PROM1: variants seen among roughly 807,000 people sequenced by gnomAD.
PROM1 encodes the protein prominin-1.
In PROM1, 105 loss-of-function variants were observed where a neutral mutation model predicts 116.9. That is an observed-to-expected ratio of 0.90 (90% CI 0.77 to 1.06). The LOEUF is 1.06. Among genes scored for constraint, PROM1 ranks in the 50% least tolerant of loss-of-function variants. PROM1 has a pLI of 0.00. For synonymous variants in PROM1, 393 were observed against 387.0 expected, an observed-to-expected ratio of 1.02 and a Z score of -0.18; for missense variants, 1,122 against 1,045.2, an observed-to-expected ratio of 1.07 and a Z score of -1.01.
chr4:16,014,067 G>A (rs138236317), intron 10 of PROM1, among the ~76,000 whole-genome samples: 2 of 152,286 alleles, frequency 1.3e-5, no homozygotes, highest in East Asian at 3.9e-4. Flanking sequence ...CCATGAGAGG[G>A]AAATATCATT....
At chr4:16,062,048 C>T (rs1284006100) in intron 2 of PROM1, among the ~76,000 whole-genome samples, 6 of 152,154 alleles carry the variant, frequency 3.9e-5, no homozygotes, top group South Asian at 2.1e-4. Flanking sequence ...CCTGCCACCA[C>T]GCCCGGCTAA....
In PROM1 at chr4:16,080,336, T is replaced by C. The variant is rs180678655; in HGVS notation, c.-213+3642A>G. On this transcript the variant is annotated intron_variant, in intron 1 of 27. Coordinates refer to ENST00000447510, the MANE Select transcript of PROM1 (RefSeq NM_006017.3). ...GAGATCGAGACCATCCTGGCTAACATGGTGAAACCCTGTCTCTACTAAAAA... is the reference window on the plus strand; with the variant it reads ...GAGATCGAGACCATCCTGGCTAACACGGTGAAACCCTGTCTCTACTAAAAA... 8.5e-4 allele frequency among the ~76,000 whole-genome samples: 129 copies of C among 151,598 alleles called. 2 individuals carry two copies. Among genetic ancestry groups the C allele is most frequent in the African/African-American group, 3.0e-3 (123 of 41,310 alleles).
intron 2 of PROM1, among the ~76,000 whole-genome samples, chr4:16,059,300 G>A (rs1289823279): frequency 6.6e-6 from 1 of 152,108 alleles, no homozygotes; most frequent in Non-Finnish European, 1.5e-5. Context: ...AAATAGAAAT[G>A]TCCACCCCAC....
At chr4:15,985,101 G>C (rs1473067913) in intron 22 of PROM1, among the ~76,000 whole-genome samples, 1 of 152,156 alleles carries the variant, frequency 6.6e-6, no homozygotes, top group Non-Finnish European at 1.5e-5. Flanking sequence ...GAAAACAATG[G>C]ATAGTTGTAC....
At chr4:15,988,595 A>G (rs1407177460) in intron 19 of PROM1, among the ~76,000 whole-genome samples, 1 of 152,084 alleles carries the variant, frequency 6.6e-6, no homozygotes, top group East Asian at 1.9e-4. Flanking sequence ...TAGTTTGCCA[A>G]CCCCTGGTTT....
chr4:15,997,087 A>G (rs1043725418), intron 15 of PROM1, among the ~76,000 whole-genome samples: 1 of 151,908 alleles, frequency 6.6e-6, no homozygotes, highest in Non-Finnish European at 1.5e-5. Flanking sequence ...GGCTCATAGC[A>G]GAGAGCTGCC....
At chr4:16,070,761 G>T (rs560249919) in intron 2 of PROM1, among the ~76,000 whole-genome samples, 1 of 152,110 alleles carries the variant, frequency 6.6e-6, no homozygotes, top group Non-Finnish European at 1.5e-5. Context: ...ACCCTGTTCC[G>T]CTACTGTCAG....
intron 13 of PROM1, among the ~76,000 whole-genome samples, chr4:16,003,515 A>G (rs535432572): frequency 6.6e-6 from 1 of 152,334 alleles, no homozygotes; most frequent in East Asian, 1.9e-4. Flanking sequence ...ATTGTTGTCA[A>G]TACCTAAAAT....
At chr4:16,004,088 G>A (rs1316971585) in intron 13 of PROM1, among the ~76,000 whole-genome samples, 1 of 152,166 alleles carries the variant, frequency 6.6e-6, no homozygotes, top group Non-Finnish European at 1.5e-5. Flanking sequence ...GACTGATGAC[G>A]CTTGTATCAT....
At chr4:15,983,672 G>C (rs1718545532) in intron 23 of PROM1, among the ~76,000 whole-genome samples, 1 of 152,202 alleles carries the variant, frequency 6.6e-6, no homozygotes, top group South Asian at 2.1e-4. Context: ...GGCAGGCAGA[G>C]AGCACACAGT....
intron 1 of PROM1, 118 bp from the exon 2 acceptor site, chr4:16,076,236 GGTGGGTGGAAACCA>G: frequency 4.0e-6 from 1 of 250,290 alleles, no homozygotes; most frequent in East Asian, 7.8e-5. Context: ...AATCCGGATG[GGTGGGTGGAAACCA>G]AGCACACAAC....
chr4:15,992,470 A>C (rs1282425457), intron 16 of PROM1, 79 bp from the exon 17 acceptor site: 1 of 1,479,954 alleles, frequency 6.8e-7, no homozygotes, highest in Non-Finnish European at 9.2e-7. Context: ...AGAGCAATAA[A>C]AGCTGGATGT....
At chr4:15,998,592 A>G (rs909163411) in intron 14 of PROM1, 104 bp from the exon 15 acceptor site, 3 of 1,220,656 alleles carry the variant, frequency 2.5e-6, no homozygotes, top group Non-Finnish European at 3.2e-6. Context: ...GAAATTTTTC[A>G]TAACATTATT....
intron 5 of PROM1, among the ~76,000 whole-genome samples, chr4:16,030,297 T>C (rs1489879194): frequency 6.6e-6 from 1 of 152,242 alleles, no homozygotes; most frequent in Non-Finnish European, 1.5e-5. Context: ...ATTTATAATT[T>C]ATACATAAAT....
At chr4:16,008,821 A>G (rs1305419563) in intron 12 of PROM1, 128 bp downstream of exon 12, 10 of 855,792 alleles carry the variant, frequency 1.2e-5, no homozygotes, top group Non-Finnish European at 1.6e-5. Context: ...TGGGGTTAAC[A>G]TATATCAGGT....
chr4:16,056,732 G>A (rs1364778397), intron 2 of PROM1, among the ~76,000 whole-genome samples: 2 of 152,166 alleles, frequency 1.3e-5, no homozygotes, highest in Admixed American at 1.3e-4. Context: ...AGGCAGAGAA[G>A]CAAAGGGTCT....
intron 2 of PROM1, chr4:16,055,490 CG>C (rs1464857343): frequency 1.1e-5 from 5 of 454,064 alleles, no homozygotes; most frequent in Non-Finnish European, 4.4e-6. Context: ...TATTTCTGAT[CG>C]GAAGATCTCC....
chr4:16,012,739 C>T (rs777183739), intron 11 of PROM1, among the ~76,000 whole-genome samples: 36 of 151,796 alleles, frequency 2.4e-4, no homozygotes, highest in African/African-American at 3.6e-4. Flanking sequence ...GGTGTGGTGG[C>T]GGGCACCTGT....
chr4:16,082,757 T>G (rs1163404464), intron 1 of PROM1: 1 of 152,144 alleles, frequency 6.6e-6, no homozygotes, highest in Non-Finnish European at 1.5e-5. Context: ...GGGGGCGATC[T>G]TGCCAGAGAG....
Sources: gnomAD v4.1 joint callset for allele counts (sites outside exome capture counted in the v4.1 genomes callset) on GRCh38, gnomAD v4.1.1 for gene constraint, MANE v1.5 for transcripts, NCBI Gene and HGNC (gene_info 2026-07-23, HGNC 2026-07-21) for gene names.